ATG7: variants seen among roughly 807,000 people sequenced by gnomAD.
The protein encoded by ATG7 is autophagy related 7.
In ATG7, 70 loss-of-function variants were observed where a neutral mutation model predicts 82.4. That is an observed-to-expected ratio of 0.85 (90% confidence interval 0.70 to 1.04). The LOEUF is 1.04. ATG7 is among the 50% of genes least tolerant of loss of function. The probability of loss-of-function intolerance (pLI) is 0.00; values close to 1 mark genes in which losing one functional copy is unlikely to be tolerated. For missense variants in ATG7, 792 were observed against 864.3 expected (o/e 0.92, Z 1.05); for synonymous variants, 287 against 313.0 (o/e 0.92, Z 0.88).
intron 1 of ATG7, among the ~76,000 whole-genome samples, chr3:11,272,997 G>A (rs1940831540): frequency 6.6e-6 from 1 of 152,232 alleles, no homozygotes; most frequent in Non-Finnish European, 1.5e-5. Context: ...ACATTTGTCA[G>A]AAATAGAGTC....
chr3:11,347,462 G>T (rs1057043716), intron 13 of ATG7, among the ~76,000 whole-genome samples: 3 of 152,152 alleles, frequency 2.0e-5, no homozygotes, highest in Admixed American at 6.5e-5. Context: ...GTTCATTCAG[G>T]CTTTAAATGA....
Position 11,501,783 on chromosome 3 carries a change from G to A in ATG7, c.2080-53028G>A, listed in dbSNP as rs188434711. The stretch of plus-strand genomic sequence containing the variant: ...TGGCTCACTGCAGCCTTCGCCTCCC[G>A]GGTTCAAGTGATTCTCCTGCCTCAG... On this transcript the variant is annotated intron_variant, in intron 20 of 20. Coordinates refer to ENST00000693202, the MANE Select transcript of ATG7 (RefSeq NM_001349232.2). Among the ~76,000 whole-genome samples, 22 of 152,154 alleles carry A rather than the reference G, an allele frequency of 1.4e-4. No individual in the cohort carries two copies. The East Asian group carries it at 3.9e-3, about 27-fold the overall frequency.
Position 11,437,666 on chromosome 3 carries a change from C to T in ATG7, c.2079+10740C>T, listed in dbSNP as rs367976942. ...ATACCCACATACTCCTACCTGGATC[C>T]AACAATTAACATTTTGCCACATGTG... On this transcript the variant is annotated intron_variant, in intron 20 of 20. Coordinates refer to ENST00000693202, the MANE Select transcript of ATG7 (RefSeq NM_001349232.2). 2.6e-5 allele frequency among the ~76,000 whole-genome samples: 4 copies of T among 152,096 alleles called. No individual in the cohort carries two copies. In the South Asian group the frequency reaches 8.3e-4, roughly 32 times the overall value.
intron 9 of ATG7, among the ~76,000 whole-genome samples, chr3:11,316,752 T>C (rs1255823665): frequency 6.6e-6 from 1 of 152,184 alleles, no homozygotes; most frequent in Non-Finnish European, 1.5e-5. Context: ...TGATCAGATA[T>C]ATAGGAAGTT....
chr3:11,520,444 T>A (rs2092411274), intron 20 of ATG7, among the ~76,000 whole-genome samples: 1 of 152,220 alleles, frequency 6.6e-6, no homozygotes, highest in African/African-American at 2.4e-5. Context: ...TGCTTATAGC[T>A]CAGCAGCGAG....
At chr3:11,492,420 T>A (rs941403890) in intron 20 of ATG7, among the ~76,000 whole-genome samples, 1 of 152,162 alleles carries the variant, frequency 6.6e-6, no homozygotes, top group African/African-American at 2.4e-5. Context: ...AAATCACCCG[T>A]CTTCTGTGTC....
At chr3:11,440,185 T>C (rs926026863) in intron 20 of ATG7, among the ~76,000 whole-genome samples, 1 of 152,220 alleles carries the variant, frequency 6.6e-6, no homozygotes, top group African/African-American at 2.4e-5. Context: ...CTTACTGTAC[T>C]TTCTTACTCT....
intron 20 of ATG7, among the ~76,000 whole-genome samples, chr3:11,550,743 T>C (rs1416871015): frequency 6.6e-6 from 1 of 152,060 alleles, no homozygotes; most frequent in African/African-American, 2.4e-5. Flanking sequence ...CCCTTTATGG[T>C]ATGTTGTTAT....
At chr3:11,478,277 C>G (rs748777467) in intron 20 of ATG7, among the ~76,000 whole-genome samples, 6 of 152,158 alleles carry the variant, frequency 3.9e-5, no homozygotes, top group Non-Finnish European at 8.8e-5. Context: ...GAATGAATCT[C>G]TATCTCTCTT....
intron 20 of ATG7, among the ~76,000 whole-genome samples, chr3:11,491,931 C>T (rs1002054755): frequency 5.3e-5 from 8 of 152,168 alleles, no homozygotes; most frequent in Admixed American, 2.6e-4. Context: ...CTGTGCCCTG[C>T]CCCCAGAGGT....
At chr3:11,334,356 C>T (rs1481318937) in intron 11 of ATG7, among the ~76,000 whole-genome samples, 1 of 151,894 alleles carries the variant, frequency 6.6e-6, no homozygotes, top group Non-Finnish European at 1.5e-5. Flanking sequence ...GTGATTCTCC[C>T]TCCTCGGCCT....
intron 20 of ATG7, among the ~76,000 whole-genome samples, chr3:11,459,677 T>C (rs898028689): frequency 2.6e-5 from 4 of 152,136 alleles, no homozygotes; most frequent in Admixed American, 1.3e-4. Flanking sequence ...AAAGGAAATA[T>C]ACTGGCACAA....
intron 7 of ATG7, among the ~76,000 whole-genome samples, chr3:11,310,210 G>C (rs1282701875): frequency 6.6e-6 from 1 of 151,840 alleles, no homozygotes; most frequent in Non-Finnish European, 1.5e-5. Flanking sequence ...TATAATATTA[G>C]CCATATTGAT....
intron 14 of ATG7, 133 bp from the exon 15 acceptor site, chr3:11,358,285 G>A: frequency 1.2e-6 from 1 of 858,026 alleles, no homozygotes; most frequent in Non-Finnish European, 1.8e-6. Flanking sequence ...TGGGAAGGGT[G>A]CAGCATAATA....
intron 20 of ATG7, among the ~76,000 whole-genome samples, chr3:11,493,899 C>T (rs1230335859): frequency 6.6e-6 from 1 of 152,140 alleles, no homozygotes; most frequent in Non-Finnish European, 1.5e-5. Flanking sequence ...CAGATTACTA[C>T]ACTTAAAACT....
At chr3:11,449,361 C>G (rs1300122366) in intron 20 of ATG7, among the ~76,000 whole-genome samples, 1 of 152,098 alleles carries the variant, frequency 6.6e-6, no homozygotes, top group Admixed American at 6.5e-5. Context: ...TGGAACAAGA[C>G]CCCATCTCTT....
chr3:11,439,364 G>T (rs145214602), intron 20 of ATG7, among the ~76,000 whole-genome samples: 2 of 152,030 alleles, frequency 1.3e-5, no homozygotes, highest in African/African-American at 4.8e-5. Context: ...CCACTGCACC[G>T]GGCCTGAGCT....
intron 11 of ATG7, among the ~76,000 whole-genome samples, chr3:11,335,770 T>C (rs544078210): frequency 6.6e-6 from 1 of 152,346 alleles, no homozygotes; most frequent in East Asian, 1.9e-4. Flanking sequence ...CGATCTCGGC[T>C]CACTGCAACC....
intron 20 of ATG7, among the ~76,000 whole-genome samples, chr3:11,451,212 CTTTT>C (rs34036551): frequency 1.7e-5 from 2 of 120,540 alleles, no homozygotes; most frequent in Non-Finnish European, 3.5e-5. Context: ...AAGGTTGACA[CTTTT>C]TTTTTTTTTT....
Sources: gnomAD v4.1 joint callset for allele counts (sites outside exome capture counted in the v4.1 genomes callset) on GRCh38, gnomAD v4.1.1 for gene constraint, MANE v1.5 for transcripts, NCBI Gene and HGNC (gene_info 2026-07-23, HGNC 2026-07-21) for gene names.